WDR43: variants seen among roughly 807,000 people sequenced by gnomAD.
WDR43 encodes WD repeat domain 43.
A neutral mutation model predicts 91.4 loss-of-function variants in WDR43; 13 were observed. The ratio of observed to expected loss-of-function variants is 0.14; its 90% confidence interval spans 0.09 to 0.23. WDR43 has a LOEUF of 0.23. Among genes scored for constraint, WDR43 ranks in the 10% least tolerant of loss-of-function variants. The pLI, the probability that WDR43 is intolerant of heterozygous loss-of-function variation, is 1.00. For synonymous variants in WDR43, 331 were observed against 287.9 expected (o/e 1.15, Z -1.51); for missense variants, 780 against 809.4 (o/e 0.96, Z 0.44).
intron 2 of WDR43, among the ~76,000 whole-genome samples, chr2:28,903,066 C>T (rs1462346080): frequency 2.0e-5 from 3 of 152,016 alleles, no homozygotes; most frequent in Non-Finnish European, 2.9e-5. Flanking sequence ...TTTATACATA[C>T]ATTAAAAAAA....
At chr2:28,900,613 CT>C (rs1670561357) in intron 1 of WDR43, among the ~76,000 whole-genome samples, 1 of 152,164 alleles carries the variant, frequency 6.6e-6, no homozygotes, top group East Asian at 1.9e-4. Flanking sequence ...ATTTTTGCCC[CT>C]GGAATCATTC....
At chr2:28,931,201 C>T (rs1417257140) in intron 11 of WDR43, among the ~76,000 whole-genome samples, 1 of 151,808 alleles carries the variant, frequency 6.6e-6, no homozygotes, top group Non-Finnish European at 1.5e-5. Flanking sequence ...CCTGCCTCAG[C>T]CTCCCGAATT....
intron 9 of WDR43, 82 bp from the exon 10 acceptor site, chr2:28,927,487 T>G: frequency 6.6e-7 from 1 of 1,516,330 alleles, no homozygotes; most frequent in Non-Finnish European, 8.9e-7. Flanking sequence ...AGGAGCCCTT[T>G]AAAAGCTGTT....
In WDR43 at chr2:28,946,903, C is replaced by G. The variant is rs1671553370; in HGVS notation, c.*124C>G. The G allele has an allele frequency of 2.6e-6, 3 of 1,154,874 alleles. No homozygotes were observed. The highest frequency in any genetic ancestry group is 3.6e-6 in the Non-Finnish European group (3 of 843,234). 71.5% of individuals were successfully genotyped at this position (1,154,874 alleles called of 1,614,324 possible). On this transcript the variant is annotated 3_prime_UTR_variant, in exon 18 of 18. Coordinates refer to ENST00000407426, the MANE Select transcript of WDR43 (RefSeq NM_015131.3). ...TTTCCAAATTCACAGCAGTGGATCC[C>G]ATGCCACTTTGCTGTCCTGAGCACC...
chr2:28,920,224 C>CTT (rs751048652), intron 6 of WDR43, among the ~76,000 whole-genome samples: 29,508 of 107,958 alleles, frequency 0.27, 5,203 homozygotes, highest in South Asian at 0.31. Context: ...TTTTTTCTTT[C>CTT]TTTTTTTTTT....
rs1670951226 is a variant in WDR43, at chr2:28,918,115, CTG to C, written c.849+122_849+123del. 6 of 817,666 alleles carry C rather than the reference CTG, an allele frequency of 7.3e-6. No individual in the cohort carries two copies. The South Asian group carries it at 8.9e-5, about 12-fold the overall frequency. 50.7% of individuals were successfully genotyped at this position (817,666 alleles called of 1,614,324 possible). A position where few individuals can be genotyped will look rare whatever the true frequency, so the allele number is the denominator to read the frequency against. On this transcript the variant is annotated intron_variant, in intron 6 of 17. Coordinates refer to ENST00000407426, the MANE Select transcript of WDR43 (RefSeq NM_015131.3). Reference sequence around the variant, plus strand: ...GAGGACCTGAGGGAGTAACAACAAACTGTAACAAATTTTAGACTGTTCAAAGG... The same window carrying C: ...GAGGACCTGAGGGAGTAACAACAAACTAACAAATTTTAGACTGTTCAAAGG...
intron 11 of WDR43, 59 bp from the exon 12 acceptor site, chr2:28,935,462 C>A (rs1385791717): frequency 8.8e-7 from 1 of 1,140,068 alleles, no homozygotes; most frequent in East Asian, 2.6e-5. Flanking sequence ...TTTTTTTTTT[C>A]TGTGATGTCC....
chr2:28,947,444 G>A lies in WDR43; in HGVS notation c.*665G>A, dbSNP rs1013678608. The A allele has an allele frequency of 1.3e-5, 2 of 151,914 alleles. No individual in the cohort carries two copies. The highest frequency in any genetic ancestry group is 3.9e-4 in the East Asian group (2 of 5,192). 9.4% of individuals were successfully genotyped at this position (151,914 alleles called of 1,614,324 possible). The stretch of plus-strand genomic sequence containing the variant: ...TTTTTAAAACAAAACAAAAATTATG[G>A]TCATTAAAAAACTAGAGAATTAGCC... On this transcript the variant is annotated 3_prime_UTR_variant, in exon 18 of 18. Coordinates refer to ENST00000407426, the MANE Select transcript of WDR43 (RefSeq NM_015131.3).
intron 11 of WDR43, among the ~76,000 whole-genome samples, chr2:28,932,296 T>G (rs1671263156): frequency 1.3e-5 from 2 of 152,240 alleles, no homozygotes; most frequent in South Asian, 4.2e-4. Context: ...CCTAAGTAGC[T>G]GAGATTATGG....
At position 28,910,678 on chromosome 2, in the gene WDR43, A is replaced by AATATAT. The variant is rs71403628; in HGVS notation, c.486-1900_486-1895dup. On this transcript the variant is annotated intron_variant, in intron 3 of 17. Transcript: ENST00000407426. ...CAGATAACGTGCGTGTGTGTGTGTA[A>AATATAT]ATATATATATATATATAATTATTAT... Among the ~76,000 whole-genome samples the AATATAT allele has an allele frequency of 5.1e-3, 727 of 142,642 alleles. 7 individuals carry two copies. Among genetic ancestry groups the AATATAT allele is most frequent in the African/African-American group, 0.016 (627 of 39,682 alleles). The allele number at this position is 142,642 out of a possible 152,430, so 93.6% of individuals were successfully genotyped here.
intron 11 of WDR43, among the ~76,000 whole-genome samples, chr2:28,933,777 G>C (rs968310870): frequency 6.6e-6 from 1 of 152,268 alleles, no homozygotes; most frequent in African/African-American, 2.4e-5. Flanking sequence ...AAACCACAGT[G>C]AAATAAAGCT....
At chr2:28,932,452 C>T (rs540052839) in intron 11 of WDR43, among the ~76,000 whole-genome samples, 9 of 152,272 alleles carry the variant, frequency 5.9e-5, no homozygotes, top group South Asian at 2.1e-4. Flanking sequence ...CGTGAGCCAC[C>T]GTTCCCAGCC....
At chr2:28,926,601 T>C (rs1259435715) in intron 9 of WDR43, 47 bp downstream of exon 9, 1 of 1,456,390 alleles carries the variant, frequency 6.9e-7, no homozygotes, top group African/African-American at 1.4e-5. Context: ...AATATTTCTT[T>C]GGGTGAATGG....
At chr2:28,908,300 G>C (rs938645837) in intron 3 of WDR43, among the ~76,000 whole-genome samples, 2 of 152,162 alleles carry the variant, frequency 1.3e-5, no homozygotes, top group African/African-American at 4.8e-5. Context: ...CAGACAGGGT[G>C]GTGCTAGAGG....
chr2:28,910,625 CTT>C (rs201992552), intron 3 of WDR43, among the ~76,000 whole-genome samples: 1 of 148,782 alleles, frequency 6.7e-6, no homozygotes, highest in African/African-American at 2.5e-5. Context: ...ATTTTTGATA[CTT>C]TTTTCTAGCT....
Position 28,894,895 on chromosome 2 carries a change from C to A in WDR43, c.197C>A (p.Ala66Asp). Residue 66 changes from alanine to aspartate, a missense_variant, in exon 1 of 18, where the codon GCC becomes GAC. Around this residue, in one of 4 missense-constraint regions of WDR43, gnomAD observed 175 missense variants for 113.8 expected, o/e 1.54. Coordinates refer to ENST00000407426, the MANE Select transcript of WDR43 (RefSeq NM_015131.3). ...CTCAGTGGTACCTGCACCTGTCTGGCCTGGGCGCCAGCGCGGCTGCAGGCC... is the reference window on the plus strand; with the variant it reads ...CTCAGTGGTACCTGCACCTGTCTGGACTGGGCGCCAGCGCGGCTGCAGGCC... Reference protein sequence around the residue: ...AHLSGTCTCLAWAPARLQAKE... With the variant: ...AHLSGTCTCLDWAPARLQAKE... 1 of 1,602,352 alleles carries A rather than the reference C, an allele frequency of 6.2e-7. No individual in the cohort carries two copies.
intron 5 of WDR43, among the ~76,000 whole-genome samples, chr2:28,916,664 T>C (rs972398535): frequency 6.6e-6 from 1 of 152,138 alleles, no homozygotes; most frequent in Non-Finnish European, 1.5e-5. Flanking sequence ...TATCCCTATA[T>C]CGGTTCTCGT....
rs1670945413 is a variant in WDR43 at position 28,917,897 on chromosome 2, G to C, written c.751G>C (p.Val251Leu). ...VHDRLLNVWQ[V>L]RSENKEKSAV... ...CTTGCTGGTTTTGTTATCTAGGCAG[G>C]TCCGATCAGAAAACAAAGAAAAGAG... The change falls in exon 6 of 18, where the codon GTC becomes CTC. Residue 251 changes from valine (V) to leucine (L), a missense_variant. Physicochemically the swap from Val to Leu is conservative, Grantham distance 32. Transcript: ENST00000407426. 3.8e-6 allele frequency: 6 copies of C among 1,576,170 alleles called. No individual in the cohort carries two copies. Among genetic ancestry groups the C allele is most frequent in the Non-Finnish European group, 5.2e-6 (6 of 1,159,990 alleles).
intron 11 of WDR43, among the ~76,000 whole-genome samples, chr2:28,933,759 G>A (rs915496925): frequency 6.6e-6 from 1 of 152,124 alleles, no homozygotes. Context: ...TCACAGAAAG[G>A]CAAATTAAAA....
Sources: gnomAD v4.1 joint callset for allele counts (sites outside exome capture counted in the v4.1 genomes callset) on GRCh38, gnomAD v4.1.1 for gene constraint, gnomAD v4.1.1 regional missense constraint, MANE v1.5 for transcripts, NCBI Gene and HGNC (gene_info 2026-07-23, HGNC 2026-07-21) for gene names.